The following TRNAU1AP variants were observed in gnomAD, a reference collection of about 807,000 sequenced individuals.
The protein encoded by TRNAU1AP is tRNA selenocysteine 1 associated protein 1, also known as tRNA selenocysteine 1-associated protein 1.
In TRNAU1AP, 33 loss-of-function variants were observed where a neutral mutation model predicts 43.3. The ratio of observed to expected loss-of-function variants is 0.76; its 90% confidence interval spans 0.58 to 1.02. The LOEUF (loss-of-function observed/expected upper bound fraction) is 1.02. Ranked by LOEUF, TRNAU1AP falls within the 50% of genes least tolerant of loss-of-function variation. The pLI is 0.00. For synonymous variants in TRNAU1AP, 143 were observed against 129.1 expected (o/e 1.11, Z -0.73); for missense variants, 290 against 362.7 (o/e 0.80, Z 1.63).
Position 28,577,534 on chromosome 1 carries a change from C to T in TRNAU1AP, c.762C>T (p.Asn254=), listed in dbSNP as rs372099045. The T allele has an allele frequency of 3.1e-6, 5 of 1,613,946 alleles. No individual in the cohort carries two copies. The highest frequency in any genetic ancestry group is 4.2e-6 in the Non-Finnish European group (5 of 1,180,016). The change falls in exon 9 of 9, where the codon AAC becomes AAT. Residue 254 remains asparagine (N), a synonymous_variant. Transcript: ENST00000373830. ...PMPQLDVTEA[N]KEFMEQSEEL... is the part of the protein sequence containing the mutation. ...CACAGCTGGATGTGACTGAGGCCAA[C>T]AAGGAGTTCATGGAACAGAGTGAGG...
chr1:28,566,500 C>T (rs945975029), intron 5 of TRNAU1AP, among the ~76,000 whole-genome samples: 1 of 151,862 alleles, frequency 6.6e-6, no homozygotes, highest in African/African-American at 2.4e-5. Flanking sequence ...TGCCTGTAAT[C>T]CCAGCACTTT....
chr1:28,555,222 C>T (rs1351462896), intron 2 of TRNAU1AP, among the ~76,000 whole-genome samples: 2 of 145,692 alleles, frequency 1.4e-5, no homozygotes, highest in African/African-American at 5.3e-5. Context: ...AAGAGCGAAA[C>T]TCCATCTCAA....
At chr1:28,576,452 G>C (rs894920895) in intron 8 of TRNAU1AP, among the ~76,000 whole-genome samples, 1 of 151,046 alleles carries the variant, frequency 6.6e-6, no homozygotes, top group Non-Finnish European at 1.5e-5. Flanking sequence ...CCGAGTAGCT[G>C]GGACTACAGG....
intron 8 of TRNAU1AP, among the ~76,000 whole-genome samples, chr1:28,577,034 C>G (rs1665803148): frequency 6.6e-6 from 1 of 152,198 alleles, no homozygotes; most frequent in South Asian, 2.1e-4. Flanking sequence ...CCACTGTACT[C>G]TAGCCTGTGT....
At chr1:28,571,120 G>C in intron 6 of TRNAU1AP, 56 bp from the exon 7 acceptor site, 6 of 1,545,086 alleles carry the variant, frequency 3.9e-6, no homozygotes, top group Non-Finnish European at 5.4e-6. Flanking sequence ...TGGCCACATA[G>C]GCAGTGTTAC....
intron 8 of TRNAU1AP, among the ~76,000 whole-genome samples, chr1:28,574,889 C>T (rs1169812656): frequency 3.9e-5 from 6 of 152,148 alleles, no homozygotes; most frequent in Admixed American, 3.3e-4. Flanking sequence ...CTTGTGTCCT[C>T]TCATGTGATG....
chr1:28,560,253 C>G (rs1040502510), intron 2 of TRNAU1AP, among the ~76,000 whole-genome samples: 2 of 150,344 alleles, frequency 1.3e-5, no homozygotes, highest in African/African-American at 4.9e-5. Context: ...TTCTTTCTCC[C>G]TTCAAGGCCA....
chr1:28,558,062 ATTT>A (rs998976595), intron 2 of TRNAU1AP, among the ~76,000 whole-genome samples: 3 of 122,110 alleles, frequency 2.5e-5, no homozygotes, highest in Non-Finnish European at 1.7e-5. Context: ...TGCCTGGCTA[ATTT>A]TTTTTTTTTT....
chr1:28,576,113 C>A (rs1665773652), intron 8 of TRNAU1AP, among the ~76,000 whole-genome samples: 1 of 151,342 alleles, frequency 6.6e-6, no homozygotes, highest in South Asian at 2.1e-4. Context: ...CCCACCTCGG[C>A]CTCCCAAAGT....
intron 2 of TRNAU1AP, among the ~76,000 whole-genome samples, chr1:28,560,298 A>G (rs932222473): frequency 8.0e-5 from 11 of 137,162 alleles, no homozygotes; most frequent in Admixed American, 4.9e-4. Context: ...TTTTTTTTTA[A>G]AACAGTCTCA....
At chr1:28,561,658 C>T (rs563565116) in intron 4 of TRNAU1AP, among the ~76,000 whole-genome samples, 1 of 152,162 alleles carries the variant, frequency 6.6e-6, no homozygotes, top group East Asian at 1.9e-4. Flanking sequence ...GCCTTGTTAG[C>T]CAGGTGCAGT....
At chr1:28,574,008 C>T (rs1444954038) in intron 8 of TRNAU1AP, among the ~76,000 whole-genome samples, 8 of 150,136 alleles carry the variant, frequency 5.3e-5, no homozygotes, top group Non-Finnish European at 1.2e-4. Flanking sequence ...GGAAGGCCAA[C>T]GTGGGTTGGA....
chr1:28,558,215 ATTT>A (rs1187371829), intron 2 of TRNAU1AP, among the ~76,000 whole-genome samples: 4 of 110,578 alleles, frequency 3.6e-5, no homozygotes, highest in Admixed American at 9.8e-5. Context: ...TAATTTTTGT[ATTT>A]TTTTTTTTTT....
chr1:28,554,655 A>C (rs1665216817), intron 2 of TRNAU1AP, among the ~76,000 whole-genome samples: 1 of 151,994 alleles, frequency 6.6e-6, no homozygotes, highest in Non-Finnish European at 1.5e-5. Context: ...ATCCTGGCTA[A>C]CACGGTGAAA....
chr1:28,575,269 C>T (rs140179389), intron 8 of TRNAU1AP, among the ~76,000 whole-genome samples: 1,619 of 152,136 alleles, frequency 0.011, 12 homozygotes, highest in Non-Finnish European at 0.017. Context: ...ATTCCCCTGC[C>T]TCATCCTCCT....
At chr1:28,562,452 C>A (rs937676717) in intron 4 of TRNAU1AP, among the ~76,000 whole-genome samples, 1 of 151,976 alleles carries the variant, frequency 6.6e-6, no homozygotes, top group African/African-American at 2.4e-5. Flanking sequence ...AAACAAAATA[C>A]GATGGATCGT....
chr1:28,557,809 G>T (rs192263236), intron 2 of TRNAU1AP, among the ~76,000 whole-genome samples: 14 of 151,860 alleles, frequency 9.2e-5, no homozygotes, highest in African/African-American at 3.1e-4. Flanking sequence ...GGATAGTCTC[G>T]ATCTCTTGAC....
chr1:28,558,343 T>G (rs573324005), intron 2 of TRNAU1AP, among the ~76,000 whole-genome samples: 10 of 148,950 alleles, frequency 6.7e-5, no homozygotes, highest in African/African-American at 9.9e-5. Flanking sequence ...GCCTCCCGAG[T>G]AGCTGGGATT....
At position 28,553,756 on chromosome 1, in the gene TRNAU1AP, C is replaced by A. The variant is rs1665187785; in HGVS notation, c.125+19C>A. ...TCACTGGGTAAGTCTCATCTCAGGT[C>A]TCTCTTAATACATCTCGTTGCAGCT... is the stretch of plus-strand genomic sequence containing the variant. On this transcript the variant is annotated intron_variant, in intron 2 of 8. Coordinates refer to ENST00000373830, the MANE Select transcript of TRNAU1AP (RefSeq NM_017846.5). 1 of 1,600,946 alleles carries A rather than the reference C, an allele frequency of 6.2e-7. No homozygotes were observed. Among genetic ancestry groups the A allele is most frequent in the Non-Finnish European group, 8.6e-7 (1 of 1,168,048 alleles).
Sources: allele counts gnomAD v4.1 joint callset (sites outside exome capture counted in the v4.1 genomes callset), GRCh38; gene constraint gnomAD v4.1.1; transcripts MANE v1.5; gene names NCBI Gene and HGNC (gene_info 2026-07-23, HGNC 2026-07-21).